The following BAZ1B variants were observed in gnomAD, a reference collection of about 807,000 sequenced individuals.
BAZ1B encodes the protein tyrosine-protein kinase BAZ1B.
A neutral mutation model predicts 153.8 loss-of-function variants in BAZ1B; 22 were observed. The ratio of observed to expected loss-of-function variants is 0.14; its 90% confidence interval spans 0.10 to 0.20. The LOEUF is 0.20. BAZ1B is among the 10% of genes least tolerant of loss of function. BAZ1B has a pLI of 1.00. For missense variants in BAZ1B, 1,325 were observed against 1,799.3 expected, an observed-to-expected ratio of 0.74 and a Z score of 4.77; for synonymous variants, 676 against 633.4, an observed-to-expected ratio of 1.07 and a Z score of -1.01.
chr7:73,492,871 CT>C lies in BAZ1B; in HGVS notation c.621del (p.Gly208GlufsTer17). The C allele has an allele frequency of 6.2e-7, 1 of 1,610,338 alleles. No homozygotes were observed. The highest frequency in any genetic ancestry group is 1.1e-5 in the South Asian group (1 of 90,250). On this transcript the variant is annotated frameshift_variant, in exon 5 of 20. Transcript: ENST00000339594. LOFTEE classifies it high-confidence loss of function. Reference protein sequence around the residue: ...SPRKLPTSLKKGERKWAPPKF... With the variant: ...SPRKLPTSLKXGERKWAPPKF... ...TTTGGAGGAGCCCATTTCCTTTCTC[CT>C]TTTTTTAATGAAGTAGGAAGTTTTC...
rs545058849 is a variant in BAZ1B at position 73,494,273 on chromosome 7, C to T, written c.572-1352G>A. On this transcript the variant is annotated intron_variant, in intron 4 of 19. Coordinates refer to ENST00000339594, the MANE Select transcript of BAZ1B (RefSeq NM_032408.4). ...TGGCACGTGCCTGTAATCCCAGCTACTCGGGAGGCTGAGGCAGAAGAATTG... is the reference window on the plus strand; with the variant it reads ...TGGCACGTGCCTGTAATCCCAGCTATTCGGGAGGCTGAGGCAGAAGAATTG... Among the ~76,000 whole-genome samples the T allele has an allele frequency of 2.0e-4, 31 of 152,252 alleles. 1 individual carries two copies. In the South Asian group the frequency reaches 6.4e-3, roughly 32 times the overall value.
rs553673204 is a variant in BAZ1B, at chr7:73,460,501, T to C, written c.3250-783A>G. Among the ~76,000 whole-genome samples the C allele has an allele frequency of 4.3e-4, 66 of 152,198 alleles. No homozygotes were observed. In the Middle Eastern group the frequency reaches 0.014, roughly 31 times the overall value. ...TACAAACTTGATCTCCTTTTTTTTA[T>C]TTTTAAAGAGATAGGTCTCACTGGG... On this transcript the variant is annotated intron_variant, in intron 12 of 19. Coordinates refer to ENST00000339594, the MANE Select transcript of BAZ1B (RefSeq NM_032408.4).
At chr7:73,483,827 A>G (rs1789291864) in intron 6 of BAZ1B, among the ~76,000 whole-genome samples, 1 of 152,076 alleles carries the variant, frequency 6.6e-6, no homozygotes, top group Non-Finnish European at 1.5e-5. Flanking sequence ...GTATGTAGAA[A>G]CAGGGTCTCG....
Position 73,508,484 on chromosome 7 carries a change from A to G in BAZ1B, c.225-13T>C. On this transcript the variant is annotated splice_polypyrimidine_tract_variant and intron_variant, in intron 2 of 19. Transcript: ENST00000339594. ...CTCCTCCTTCAAACTAAATAAATGT[A>G]ATTAGTTATCAAGAAAACACAGAAA... 1.9e-6 allele frequency: 3 copies of G among 1,596,080 alleles called. No homozygotes were observed. The highest frequency in any genetic ancestry group is 2.6e-6 in the Non-Finnish European group (3 of 1,171,680).
At chr7:73,459,374 G>A (rs1235802468) in intron 13 of BAZ1B, among the ~76,000 whole-genome samples, 162 bp downstream of exon 13, 2 of 150,526 alleles carry the variant, frequency 1.3e-5, no homozygotes, top group Non-Finnish European at 3.0e-5. Flanking sequence ...AACCACAGAA[G>A]GGGTAGAAAG....
intron 8 of BAZ1B, 37 bp downstream of exon 8, chr7:73,470,308 G>A: frequency 6.3e-7 from 1 of 1,585,330 alleles, no homozygotes; most frequent in Non-Finnish European, 8.6e-7. Flanking sequence ...AATGTAAATA[G>A]TCCTAAAGAA....
At chr7:73,459,402 A>C (rs550727197) in intron 13 of BAZ1B, 134 bp downstream of exon 13, 541 of 857,558 alleles carry the variant, frequency 6.3e-4, no homozygotes, top group East Asian at 3.0e-3. Flanking sequence ...AAAAAAAAAA[A>C]ACACACACAC....
chr7:73,489,281 T>C lies in BAZ1B; in HGVS notation c.804A>G (p.Glu268=), dbSNP rs200344823. ...CATCTTCTACGACCCAAGGTGCATT[T>C]TCACCAGTACCAGCTCGTAATGCAT... ...RHNALRAGTG[E]NAPWVVEDEL... The change falls in exon 6 of 20, where the codon GAA becomes GAG. Residue 268 remains glutamate, a synonymous_variant. Transcript: ENST00000339594. 3 of 1,614,196 alleles carry C rather than the reference T, an allele frequency of 1.9e-6. No individual in the cohort carries two copies. Among genetic ancestry groups the C allele is most frequent in the South Asian group, 1.1e-5 (1 of 91,082 alleles).
chr7:73,459,459 G>A (rs1554570020), intron 13 of BAZ1B, 77 bp downstream of exon 13: 2 of 1,451,224 alleles, frequency 1.4e-6, no homozygotes, highest in African/African-American at 1.4e-5. Context: ...CAGCTAAAAT[G>A]CATAGGGTTA....
At chr7:73,479,274 C>T (rs922762677) in intron 6 of BAZ1B, among the ~76,000 whole-genome samples, 2 of 151,922 alleles carry the variant, frequency 1.3e-5, no homozygotes, top group African/African-American at 2.4e-5. Context: ...TTTGGGAGGC[C>T]GAGGCAGGCA....
chr7:73,505,388 T>C (rs1554577626), intron 3 of BAZ1B, among the ~76,000 whole-genome samples: 1 of 152,158 alleles, frequency 6.6e-6, no homozygotes, highest in African/African-American at 2.4e-5. Flanking sequence ...TTGACAATAG[T>C]ATTCAGCCTC....
rs192571003 is a variant in BAZ1B at position 73,503,085 on chromosome 7, C to T, written c.370-4387G>A. ...TCTATTAATATACTTACACAGATTT[C>T]CTGCGGCAAAACTGAGGGTAAATAC... On this transcript the variant is annotated intron_variant, in intron 3 of 19. Transcript: ENST00000339594. 1.2e-4 allele frequency among the ~76,000 whole-genome samples: 19 copies of T among 152,254 alleles called. 1 individual carries two copies. Among genetic ancestry groups the T allele is most frequent in the Admixed American group, 1.2e-3 (19 of 15,272 alleles).
intron 13 of BAZ1B, among the ~76,000 whole-genome samples, chr7:73,456,960 A>T (rs1214446398): frequency 2.1e-5 from 3 of 143,146 alleles, no homozygotes; most frequent in African/African-American, 8.0e-5. Context: ...AAAAAAAAAA[A>T]AAAAAAAAAA....
chr7:73,453,658 A>G (rs1463952610), intron 13 of BAZ1B, among the ~76,000 whole-genome samples: 1 of 152,202 alleles, frequency 6.6e-6, no homozygotes, highest in Non-Finnish European at 1.5e-5. Context: ...TAGACATCTA[A>G]AAGGTTACCT....
At chr7:73,508,193 A>C in intron 3 of BAZ1B, 134 bp downstream of exon 3, 4 of 922,220 alleles carry the variant, frequency 4.3e-6, no homozygotes, top group Non-Finnish European at 6.0e-6. Context: ...GTATTAACGT[A>C]AAGTATTAAT....
intron 13 of BAZ1B, among the ~76,000 whole-genome samples, chr7:73,452,289 A>G (rs1350541295): frequency 6.6e-6 from 1 of 152,176 alleles, no homozygotes; most frequent in Non-Finnish European, 1.5e-5. Context: ...CTGCTGAACA[A>G]TATCTCATTG....
rs782348904 is a variant in BAZ1B at position 73,477,472 on chromosome 7, T to C, written c.1989A>G (p.Leu663=). The C allele has an allele frequency of 9.9e-6, 16 of 1,614,104 alleles. No individual in the cohort carries two copies. Among genetic ancestry groups the C allele is most frequent in the African/African-American group, 1.3e-5 (1 of 74,942 alleles). ...RVLVILLQTL[L]QDEIAEDYGE... Reference sequence around the variant, plus strand: ...CATAGTCTTCTGCTATCTCATCTTGTAGGAGGGTCTGTAAGAGGATGACCA... The same window carrying C: ...CATAGTCTTCTGCTATCTCATCTTGCAGGAGGGTCTGTAAGAGGATGACCA... The change falls in exon 7 of 20, where the codon CTA becomes CTG. Residue 663 remains leucine, a synonymous_variant. Transcript: ENST00000339594. The surrounding 1 kb of genome is among the most constrained non-coding windows in gnomAD (Gnocchi z 5.6).
rs782348904 is a variant in BAZ1B, at chr7:73,477,472, T to A, written c.1989A>T (p.Leu663=). Residue 663 remains leucine, a synonymous_variant, in exon 7 of 20, where the codon CTA becomes CTT. Coordinates refer to ENST00000339594, the MANE Select transcript of BAZ1B (RefSeq NM_032408.4). This position sits in a 1 kb window ranked among gnomAD's most constrained non-coding sequence, Gnocchi z 5.6. ...CATAGTCTTCTGCTATCTCATCTTG[T>A]AGGAGGGTCTGTAAGAGGATGACCA... ...RVLVILLQTL[L]QDEIAEDYGE... is the part of the protein sequence containing the mutation. The A allele has an allele frequency of 6.2e-7, 1 of 1,614,222 alleles. No homozygotes were observed. Among genetic ancestry groups the A allele is most frequent in the Non-Finnish European group, 8.5e-7 (1 of 1,180,046 alleles).
chr7:73,492,482 G>A (rs1194833200), intron 5 of BAZ1B, among the ~76,000 whole-genome samples: 2 of 152,008 alleles, frequency 1.3e-5, no homozygotes, highest in Non-Finnish European at 2.9e-5. Context: ...ACTTTTAACT[G>A]GGAAGAGTGA....
Sources: allele counts gnomAD v4.1 joint callset (sites outside exome capture counted in the v4.1 genomes callset), GRCh38; gene constraint gnomAD v4.1.1; non-coding constraint Gnocchi (gnomAD v3.1); transcripts MANE v1.5; gene names NCBI Gene and HGNC (gene_info 2026-07-23, HGNC 2026-07-21).